NALF2: variants seen among roughly 807,000 people sequenced by gnomAD.
NALF2 encodes the protein NALCN channel auxiliary factor 2, also known as bB57D9.1 (TED protein).
In NALF2, 1 loss-of-function variant was observed where a neutral mutation model predicts 24.8. The ratio of observed to expected loss-of-function variants is 0.04; its 90% CI spans 0.01 to 0.19. The LOEUF (loss-of-function observed/expected upper bound fraction) is 0.19, where lower values mean the gene tolerates loss of function less well. Among genes scored for constraint, NALF2 ranks in the 10% least tolerant of loss-of-function variants. The pLI is 1.00. For synonymous variants in NALF2, 254 were observed against 189.8 expected, an observed-to-expected ratio of 1.34 and a Z score of -2.78; for missense variants, 458 against 409.6, an observed-to-expected ratio of 1.12 and a Z score of -1.02.
chrX:69,522,934 C>T (rs886398727), intron 1 of NALF2, among the ~76,000 whole-genome samples: 1 of 112,615 alleles, frequency 8.9e-6, no homozygotes, highest in Non-Finnish European at 1.9e-5. Context: ...TAAGCCAACC[C>T]TCTTCTTTGG....
chrX:69,505,338 G>A lies in NALF2; in HGVS notation c.56G>A (p.Cys19Tyr), dbSNP rs767805727. The change falls in exon 1 of 3, where the codon TGC (cysteine) becomes TAC (tyrosine). Residue 19 changes from cysteine (C) to tyrosine (Y), a missense_variant. Coordinates refer to ENST00000252338, the MANE Select transcript of NALF2 (RefSeq NM_015686.3). ...AAAGACGCCGCCGCGCTGACTATCT[G>A]CTGCTGCTGCTGCTGCTGGGCTCCC... ...PGKDAAALTI[C>Y]CCCCCWAPRP... 2 of 845,760 alleles carry A rather than the reference G, an allele frequency of 2.4e-6. No individual in the cohort carries two copies. The highest frequency in any genetic ancestry group is 3.9e-5 in the Admixed American group (1 of 25,378). The allele number at this position is 845,760 out of a possible 1,213,427, so 69.7% of individuals were successfully genotyped here. A position where few individuals can be genotyped will look rare whatever the true frequency, so the allele number is the denominator to read the frequency against.
intron 1 of NALF2, among the ~76,000 whole-genome samples, chrX:69,510,659 G>GCCT (rs1930568418): frequency 8.9e-6 from 1 of 111,861 alleles, no homozygotes; most frequent in African/African-American, 3.3e-5. Context: ...TCTATAAACA[G>GCCT]CCTCCCGGGA....
chrX:69,511,098 T>C (rs1443519302), intron 1 of NALF2, among the ~76,000 whole-genome samples: 1 of 109,913 alleles, frequency 9.1e-6, no homozygotes, highest in African/African-American at 3.3e-5. Flanking sequence ...CACACCTTAC[T>C]CCCTCTACCT....
At chrX:69,515,727 G>T (rs1200190202) in intron 1 of NALF2, among the ~76,000 whole-genome samples, 2 of 111,979 alleles carry the variant, frequency 1.8e-5, no homozygotes, top group African/African-American at 6.5e-5. Context: ...ATGTATTAAT[G>T]ATATTAACCT....
intron 1 of NALF2, among the ~76,000 whole-genome samples, chrX:69,518,418 TAC>T (rs1930691389): frequency 1.8e-5 from 2 of 111,859 alleles, no homozygotes; most frequent in African/African-American, 3.3e-5. Context: ...TATATATATA[TAC>T]ACACACATAT....
In NALF2 at chrX:69,529,783, G is replaced by A. The variant is rs773653785; in HGVS notation, c.1246G>A (p.Ala416Thr). 1.4e-5 allele frequency: 17 copies of A among 1,209,472 alleles called. No individual in the cohort carries two copies. Among genetic ancestry groups the A allele is most frequent in the East Asian group, 5.9e-5 (2 of 33,712 alleles). Residue 416 changes from alanine to threonine, a missense_variant, in exon 3 of 3, where the codon GCC becomes ACC. Ala to Thr is a moderately conservative substitution (Grantham distance 58). Coordinates refer to ENST00000252338, the MANE Select transcript of NALF2 (RefSeq NM_015686.3). Reference sequence around the variant, plus strand: ...CCCAGGCCGTGTCAGCAACAAGCCCGCCCTGCTGCCGGTCTCTGGGGGCTC... The same window carrying A: ...CCCAGGCCGTGTCAGCAACAAGCCCACCCTGCTGCCGGTCTCTGGGGGCTC... ...DPPGRVSNKPALLPVSGGSRL... is the reference protein window; with the variant it reads ...DPPGRVSNKPTLLPVSGGSRL...
chrX:69,521,689 C>T (rs373474495), intron 1 of NALF2, among the ~76,000 whole-genome samples: 1 of 112,216 alleles, frequency 8.9e-6, no homozygotes, highest in African/African-American at 3.2e-5. Flanking sequence ...TGTATGGGTA[C>T]TTGAAGTATC....
intron 1 of NALF2, among the ~76,000 whole-genome samples, chrX:69,508,720 C>T (rs776085623): frequency 8.9e-6 from 1 of 111,894 alleles, no homozygotes; most frequent in Non-Finnish European, 1.9e-5. Context: ...CACCCCACCT[C>T]CCTGGCAGGC....
In NALF2 at chrX:69,505,520, C is replaced by T; in HGVS notation, c.238C>T (p.Pro80Ser). 2.0e-6 allele frequency: 2 copies of T among 983,880 alleles called. No homozygotes were observed. The highest frequency in any genetic ancestry group is 2.5e-6 in the Non-Finnish European group (2 of 788,713). The allele number at this position is 983,880 out of a possible 1,213,427, so 81.1% of individuals were successfully genotyped here. A position where few individuals can be genotyped will look rare whatever the true frequency, so the allele number is the denominator to read the frequency against. The change falls in exon 1 of 3, where the codon CCC (proline) becomes TCC (serine). Residue 80 changes from proline to serine, a missense_variant. By Grantham distance (74) the Pro-to-Ser change is moderately conservative. Coordinates refer to ENST00000252338, the MANE Select transcript of NALF2 (RefSeq NM_015686.3). Reference sequence around the variant, plus strand: ...CAGGGAGCTGAGCAGCGCCATGCGGCCCCCATGGGGGGCCGGCCGGGAGCG... The same window carrying T: ...CAGGGAGCTGAGCAGCGCCATGCGGTCCCCATGGGGGGCCGGCCGGGAGCG... Reference protein sequence around the residue: ...RARELSSAMRPPWGAGRERQP... With the variant: ...RARELSSAMRSPWGAGRERQP...
intron 2 of NALF2, 40 bp downstream of exon 2, chrX:69,529,204 G>A (rs1451037398): frequency 1.0e-5 from 12 of 1,167,905 alleles, no homozygotes; most frequent in Non-Finnish European, 1.4e-5. Flanking sequence ...GAGGCCGGGG[G>A]CCCAGGGCAG....
intron 1 of NALF2, among the ~76,000 whole-genome samples, chrX:69,515,356 A>G (rs942927522): frequency 6.2e-5 from 7 of 112,447 alleles, no homozygotes; most frequent in African/African-American, 2.3e-4. Context: ...AAATGGGAGC[A>G]TAGACATTAA....
Position 69,505,143 on chromosome X carries a change from C to T in NALF2, c.-140C>T. ...CGGCCTGAGCGGGGCATCGCGCCGG[C>T]CGGCCTGCCTCACCATGCAGCCCCC... On this transcript the variant is annotated 5_prime_UTR_variant, in exon 1 of 3. Coordinates refer to ENST00000252338, the MANE Select transcript of NALF2 (RefSeq NM_015686.3). The T allele has an allele frequency of 5.7e-6, 3 of 523,225 alleles. No homozygotes were observed. Among genetic ancestry groups the T allele is most frequent in the Non-Finnish European group, 8.3e-6 (3 of 362,196 alleles). 43.1% of individuals were successfully genotyped at this position (523,225 alleles called of 1,213,427 possible).
chrX:69,520,420 G>A (rs2147714974), intron 1 of NALF2, among the ~76,000 whole-genome samples: 1 of 111,864 alleles, frequency 8.9e-6, no homozygotes, highest in South Asian at 3.8e-4. Context: ...AGTGACTCAT[G>A]TCACCTCAAC....
At chrX:69,516,934 G>A (rs1465255980) in intron 1 of NALF2, among the ~76,000 whole-genome samples, 2 of 111,743 alleles carry the variant, frequency 1.8e-5, no homozygotes, top group Non-Finnish European at 3.8e-5. Context: ...TTACTCATGT[G>A]GAGAATGGAC....
intron 1 of NALF2, among the ~76,000 whole-genome samples, chrX:69,525,809 C>G (rs773070072): frequency 1.9e-5 from 2 of 107,765 alleles, no homozygotes; most frequent in African/African-American, 6.8e-5. Flanking sequence ...CTATTCCTAC[C>G]ATTCCTTACC....
At chrX:69,528,660 G>A (rs2147718407) in intron 1 of NALF2, among the ~76,000 whole-genome samples, 1 of 112,140 alleles carries the variant, frequency 8.9e-6, no homozygotes, top group East Asian at 2.8e-4. Context: ...ATACTTCCTT[G>A]GACCAAGTGT....
At chrX:69,520,197 A>G (rs1487320854) in intron 1 of NALF2, among the ~76,000 whole-genome samples, 1 of 112,106 alleles carries the variant, frequency 8.9e-6, no homozygotes, top group Non-Finnish European at 1.9e-5. Context: ...TCTGGTAACA[A>G]ACAACCCCCA....
chrX:69,521,167 C>A (rs1051981723), intron 1 of NALF2, among the ~76,000 whole-genome samples: 2 of 112,115 alleles, frequency 1.8e-5, no homozygotes, highest in African/African-American at 6.5e-5. Flanking sequence ...CCACTTTGCG[C>A]CCTCTAACTA....
intron 1 of NALF2, 71 bp downstream of exon 1, chrX:69,506,214 A>T: frequency 9.2e-7 from 1 of 1,088,199 alleles, no homozygotes; most frequent in South Asian, 2.0e-5. Flanking sequence ...GACCGGGAGA[A>T]AAAAGGAAGT....
Sources: allele counts gnomAD v4.1 joint callset (sites outside exome capture counted in the v4.1 genomes callset), GRCh38; gene constraint gnomAD v4.1.1; transcripts MANE v1.5; gene names NCBI Gene and HGNC (gene_info 2026-07-23, HGNC 2026-07-21).